KCNH1: variants seen among roughly 807,000 people sequenced by gnomAD.
KCNH1 encodes potassium voltage-gated channel subfamily H member 1, also known as voltage-gated delayed rectifier potassium channel KCNH1.
A neutral mutation model predicts 69.2 loss-of-function variants in KCNH1; 27 were observed. That is an observed-to-expected ratio of 0.39 (90% CI 0.29 to 0.54). The LOEUF (loss-of-function observed/expected upper bound fraction) is 0.54, where lower values mean the gene tolerates loss of function less well. Among genes scored for constraint, KCNH1 ranks in the 20% least tolerant of loss-of-function variants. The pLI is 0.68. For missense variants in KCNH1, 798 were observed against 1,261.6 expected (o/e 0.63, Z 5.57); for synonymous variants, 456 against 487.7 (o/e 0.93, Z 0.86).
intron 10 of KCNH1, among the ~76,000 whole-genome samples, chr1:210,727,598 G>A (rs927870671): frequency 6.6e-6 from 1 of 151,970 alleles, no homozygotes; most frequent in East Asian, 1.9e-4. Flanking sequence ...TAAAAAAAAT[G>A]TATCTAGATG....
chr1:210,917,604 G>T (rs1235668633), intron 7 of KCNH1, among the ~76,000 whole-genome samples: 1 of 152,170 alleles, frequency 6.6e-6, no homozygotes, highest in South Asian at 2.1e-4. Flanking sequence ...CCTTTTGCGA[G>T]TCCATAAAAT....
chr1:210,989,398 C>T (rs1222463000), intron 6 of KCNH1, among the ~76,000 whole-genome samples: 1 of 152,206 alleles, frequency 6.6e-6, no homozygotes, highest in Non-Finnish European at 1.5e-5. Flanking sequence ...ATTTGCTCCT[C>T]AGCTGGGATA....
chr1:210,999,329 G>T (rs578045396), intron 6 of KCNH1, among the ~76,000 whole-genome samples: 5 of 151,950 alleles, frequency 3.3e-5, no homozygotes, highest in Admixed American at 1.3e-4. Flanking sequence ...TGATAAAGGG[G>T]ATATCACCAC....
intron 6 of KCNH1, among the ~76,000 whole-genome samples, chr1:210,981,088 C>T (rs1248112954): frequency 6.6e-6 from 1 of 152,056 alleles, no homozygotes; most frequent in South Asian, 2.1e-4. Flanking sequence ...CAGAACAAAA[C>T]CATTTCATGA....
At chr1:210,885,793 C>T (rs1022880426) in intron 7 of KCNH1, among the ~76,000 whole-genome samples, 14 of 152,146 alleles carry the variant, frequency 9.2e-5, no homozygotes, top group East Asian at 3.9e-4. Flanking sequence ...TCAAACTGGG[C>T]GAAGCACACC....
intron 5 of KCNH1, among the ~76,000 whole-genome samples, chr1:211,064,403 T>C (rs1000958350): frequency 6.6e-6 from 1 of 151,838 alleles, no homozygotes; most frequent in Non-Finnish European, 1.5e-5. Context: ...TACTAAAAAA[T>C]ACAAAAAAAT....
chr1:210,887,107 A>C (rs1388708196), intron 7 of KCNH1, among the ~76,000 whole-genome samples: 1 of 152,290 alleles, frequency 6.6e-6, no homozygotes, highest in African/African-American at 2.4e-5. Context: ...AGATTCACTA[A>C]GGTTGAAATG....
chr1:210,933,009 C>T (rs1211209397), intron 6 of KCNH1, among the ~76,000 whole-genome samples: 1 of 152,128 alleles, frequency 6.6e-6, no homozygotes, highest in Admixed American at 6.5e-5. Flanking sequence ...GTACTACAGA[C>T]GTCATAGACA....
chr1:211,007,465 C>T (rs1023287687), intron 6 of KCNH1, among the ~76,000 whole-genome samples: 4 of 152,232 alleles, frequency 2.6e-5, no homozygotes, highest in Admixed American at 1.3e-4. Context: ...TCTCCTTCTC[C>T]CCTAGCCCCA....
chr1:210,817,082 A>G (rs1466788470), intron 7 of KCNH1, among the ~76,000 whole-genome samples: 1 of 152,210 alleles, frequency 6.6e-6, no homozygotes, highest in Non-Finnish European at 1.5e-5. Context: ...TCAAAGGCAG[A>G]ATTGGAATCC....
chr1:210,874,902 G>A (rs1686334773), intron 7 of KCNH1, among the ~76,000 whole-genome samples: 1 of 152,176 alleles, frequency 6.6e-6, no homozygotes, highest in South Asian at 2.1e-4. Flanking sequence ...TACACAGACT[G>A]AAGGCAGAAT....
chr1:210,937,461 C>A (rs1396988347), intron 6 of KCNH1, among the ~76,000 whole-genome samples: 1 of 152,150 alleles, frequency 6.6e-6, no homozygotes, highest in African/African-American at 2.4e-5. Flanking sequence ...TCAGAGGCAC[C>A]CACTCCAGTA....
At chr1:210,806,822 A>ATATATATATATAT (rs1553346543) in intron 7 of KCNH1, among the ~76,000 whole-genome samples, 39 of 42,086 alleles carry the variant, frequency 9.3e-4, no homozygotes, top group Non-Finnish European at 1.8e-3. Flanking sequence ...AAAAAAAAAA[A>ATATATATATATAT]AAAAAAAAAA....
chr1:211,066,845 T>C (rs1690539801), intron 5 of KCNH1, among the ~76,000 whole-genome samples: 1 of 152,174 alleles, frequency 6.6e-6, no homozygotes, highest in Non-Finnish European at 1.5e-5. Flanking sequence ...ACATATGGCA[T>C]TTACCAGATG....
chr1:210,868,427 A>AC (rs1686163177), intron 7 of KCNH1, among the ~76,000 whole-genome samples: 1 of 151,778 alleles, frequency 6.6e-6, no homozygotes, highest in African/African-American at 2.4e-5. Context: ...CTAATGTATA[A>AC]TTTTTTCTTT....
chr1:211,032,522 C>T lies in KCNH1; in HGVS notation c.559-13266G>A, dbSNP rs186763263. 2.2e-3 allele frequency among the ~76,000 whole-genome samples: 337 copies of T among 152,268 alleles called. 3 individuals carry two copies. The highest frequency in any genetic ancestry group is 7.8e-3 in the African/African-American group (326 of 41,554). ...CCTGACTTCAAACTATACTACAAGGCTACAGTAACCAAAACAGCATGGTAC... is the reference window on the plus strand; with the variant it reads ...CCTGACTTCAAACTATACTACAAGGTTACAGTAACCAAAACAGCATGGTAC... On this transcript the variant is annotated intron_variant, in intron 5 of 10. Transcript: ENST00000271751.
At chr1:210,861,628 T>C (rs1332396906) in intron 7 of KCNH1, 4 of 770,988 alleles carry the variant, frequency 5.2e-6, no homozygotes, top group East Asian at 2.4e-5. Flanking sequence ...ATAGAGTATA[T>C]ACTGAACAAG....
intron 7 of KCNH1, among the ~76,000 whole-genome samples, chr1:210,812,181 G>A (rs1233030285): frequency 2.0e-5 from 3 of 152,164 alleles, no homozygotes; most frequent in African/African-American, 7.2e-5. Flanking sequence ...TCACAGCCAA[G>A]GCTGATTGGA....
chr1:210,880,539 A>G (rs2102507355), intron 7 of KCNH1, among the ~76,000 whole-genome samples: 1 of 152,336 alleles, frequency 6.6e-6, no homozygotes, highest in South Asian at 2.1e-4. Flanking sequence ...CCACATGCAA[A>G]AACATGAATC....
Sources: gnomAD v4.1 joint callset for allele counts (sites outside exome capture counted in the v4.1 genomes callset) on GRCh38, gnomAD v4.1.1 for gene constraint, MANE v1.5 for transcripts, NCBI Gene and HGNC (gene_info 2026-07-23, HGNC 2026-07-21) for gene names.